Variants in ACACB observed in about 807,000 individuals in gnomAD.
The protein encoded by ACACB is acetyl-CoA carboxylase beta, also known as acetyl-CoA carboxylase 2.
In ACACB, 209 loss-of-function variants were observed where a neutral mutation model predicts 278.8. That is an observed-to-expected ratio of 0.75 (90% CI 0.67 to 0.84). The LOEUF (loss-of-function observed/expected upper bound fraction) is 0.84, where lower values mean the gene tolerates loss of function less well. Ranked by LOEUF, ACACB falls within the 40% of genes least tolerant of loss-of-function variation. ACACB has a pLI of 0.00. For synonymous variants in ACACB, 1,174 were observed against 1,285.6 expected, an observed-to-expected ratio of 0.91 and a Z score of 1.86; for missense variants, 2,850 against 3,269.0, an observed-to-expected ratio of 0.87 and a Z score of 3.13.
chr12:109,220,096 A>G (rs1380927129), intron 24 of ACACB, among the ~76,000 whole-genome samples: 2 of 152,204 alleles, frequency 1.3e-5, no homozygotes, highest in Non-Finnish European at 2.9e-5. Flanking sequence ...TCTTCTGGGC[A>G]TGAAGTCATG....
intron 29 of ACACB, among the ~76,000 whole-genome samples, 163 bp from the exon 30 acceptor site, chr12:109,233,585 G>A (rs1357111476): frequency 6.6e-6 from 1 of 152,164 alleles, no homozygotes; most frequent in Non-Finnish European, 1.5e-5. Context: ...TCTGGACAAA[G>A]TAGACAGGGA....
Position 109,175,677 on chromosome 12 carries a change from C to A in ACACB, c.1217-254C>A, listed in dbSNP as rs143209278. Among the ~76,000 whole-genome samples the A allele has an allele frequency of 1.7e-3, 260 of 152,266 alleles. 2 individuals carry two copies. Among genetic ancestry groups the A allele is most frequent in the African/African-American group, 5.8e-3 (240 of 41,552 alleles). On this transcript the variant is annotated intron_variant, in intron 7 of 52. Transcript: ENST00000338432. The stretch of plus-strand genomic sequence containing the variant: ...AAGCGATTCCCCCCACCTCAGCCTC[C>A]CAAAGTGCTGGGATTATAAGCATGA...
In ACACB at chr12:109,227,427, GCTCCCGGACGGCA is replaced by G. The variant is rs1165739157; in HGVS notation, c.3941_3953del (p.Leu1314ProfsTer4). 1.2e-6 allele frequency: 2 copies of G among 1,613,688 alleles called. No homozygotes were observed. The highest frequency in any genetic ancestry group is 2.7e-5 in the African/African-American group (2 of 74,946). On this transcript the variant is annotated frameshift_variant, in exon 28 of 53. Transcript: ENST00000338432. LOFTEE classifies it high-confidence loss of function. ...AGTTAAACAGCCTGCAGCACCGGCA[GCTCCCGGACGGCA>G]CCTGCGTGGTAGAATTCCAGTTCAT...
At chr12:109,207,157 T>G (rs2136375572) in intron 20 of ACACB, among the ~76,000 whole-genome samples, 2 of 152,316 alleles carry the variant, frequency 1.3e-5, no homozygotes, top group South Asian at 4.1e-4. Context: ...CATTTTGCCA[T>G]GTTCCCCACG....
chr12:109,236,008 G>C, intron 33 of ACACB: 1 of 180,912 alleles, frequency 5.5e-6, no homozygotes, highest in South Asian at 1.5e-4. Context: ...CAAAAAAAAG[G>C]AAAAAAAAGA....
chr12:109,216,581 G>T, intron 22 of ACACB, 37 bp from the exon 23 acceptor site: 1 of 1,587,486 alleles, frequency 6.3e-7, no homozygotes, highest in South Asian at 1.1e-5. Context: ...CTCAAGGAAG[G>T]GTGTGAGCAT....
intron 9 of ACACB, among the ~76,000 whole-genome samples, chr12:109,177,227 T>C (rs2044311066): frequency 6.6e-6 from 1 of 152,264 alleles, no homozygotes; most frequent in South Asian, 2.1e-4. Context: ...ATATTTTATG[T>C]GTGGCAATAG....
intron 1 of ACACB, among the ~76,000 whole-genome samples, chr12:109,122,934 G>T (rs190336023): frequency 1.3e-5 from 2 of 152,106 alleles, no homozygotes; most frequent in Admixed American, 1.3e-4. Flanking sequence ...TGTAATCCCA[G>T]CACTTTGGGG....
chr12:109,232,579 C>A, intron 28 of ACACB, 90 bp from the exon 29 acceptor site: 2 of 1,492,558 alleles, frequency 1.3e-6, no homozygotes, highest in South Asian at 2.5e-5. Flanking sequence ...TAAATCTGGT[C>A]CAGCTCACTG....
At chr12:109,115,023 T>C (rs576707696), upstream of ACACB, among the ~76,000 whole-genome samples, 12 of 152,362 alleles carry the variant, frequency 7.9e-5, no homozygotes, top group South Asian at 2.1e-4. Context: ...AAAATACCTG[T>C]GTCTTAAAGA....
intron 2 of ACACB, among the ~76,000 whole-genome samples, chr12:109,140,887 ATTC>A (rs2043106076): frequency 9.8e-6 from 1 of 101,762 alleles, no homozygotes; most frequent in Admixed American, 1.0e-4. Flanking sequence ...TGATTCATTC[ATTC>A]TTTTTTTTTT....
chr12:109,249,913 C>T (rs2047048914), intron 40 of ACACB, 71 bp from the exon 41 acceptor site: 1 of 1,534,476 alleles, frequency 6.5e-7, no homozygotes, highest in Non-Finnish European at 8.8e-7. Context: ...TCAGTCCCTT[C>T]TTGGGAAATG....
rs377319792 is a variant in ACACB, at chr12:109,140,079, G to A, written c.653+21G>A. The A allele has an allele frequency of 1.4e-4, 217 of 1,557,284 alleles. 1 individual carries two copies. In the Middle Eastern group the frequency reaches 2.8e-3, roughly 20 times the overall value. On this transcript the variant is annotated intron_variant, in intron 2 of 52. Transcript: ENST00000338432. The stretch of plus-strand genomic sequence containing the variant: ...ATGAGGTAATGTGCATTTTCTCCTT[G>A]TAACTGAGGAGTGCAGAGTTCAGGT...
At chr12:109,137,168 T>A (rs996073240) in intron 1 of ACACB, among the ~76,000 whole-genome samples, 5 of 152,144 alleles carry the variant, frequency 3.3e-5, no homozygotes, top group Non-Finnish European at 7.3e-5. Context: ...TGACTGACTT[T>A]TCTTTAAAAA....
intron 2 of ACACB, among the ~76,000 whole-genome samples, chr12:109,148,457 G>A (rs917679184): frequency 6.6e-6 from 1 of 152,160 alleles, no homozygotes; most frequent in African/African-American, 2.4e-5. Flanking sequence ...ACAGGTTCAG[G>A]ATTGCTGAGA....
Position 109,126,805 on chromosome 12 carries a change from A to G in ACACB, c.-10+10101A>G, listed in dbSNP as rs79970744. The stretch of plus-strand genomic sequence containing the variant: ...TGTGGATGTGCATCTTTCTGGGTCT[A>G]TACTCTCAGAGGGCCCTGGGAGACT... On this transcript the variant is annotated intron_variant, in intron 1 of 52. Coordinates refer to ENST00000338432, the MANE Select transcript of ACACB (RefSeq NM_001093.4). Among the ~76,000 whole-genome samples, 12 of 152,318 alleles carry G rather than the reference A, an allele frequency of 7.9e-5. No homozygotes were observed. The East Asian group carries it at 9.6e-4, about 12-fold the overall frequency.
chr12:109,153,055 C>T (rs1057393967), intron 2 of ACACB, among the ~76,000 whole-genome samples: 2 of 151,954 alleles, frequency 1.3e-5, no homozygotes, highest in African/African-American at 4.8e-5. Flanking sequence ...GGCCTGATCT[C>T]GGCTCACTTA....
rs375124672 is a variant in ACACB, at chr12:109,241,094, G to T, written c.4835G>T (p.Arg1612Leu). 1 of 1,614,084 alleles carries T rather than the reference G, an allele frequency of 6.2e-7. No homozygotes were observed. Among genetic ancestry groups the T allele is most frequent in the Non-Finnish European group, 8.5e-7 (1 of 1,180,018 alleles). The change falls in exon 36 of 53, where the codon CGC (arginine) becomes CTC (leucine). Residue 1612 changes from arginine (R) to leucine (L), a missense_variant. Transcript: ENST00000338432. ...MDPFKIEESVRYMVMRYGSRL... is the reference protein window; with the variant it reads ...MDPFKIEESVLYMVMRYGSRL... ...TTGGGGCAGATCGAGGAGTCCGTGC[G>T]CTACATGGTTATGCGCTACGGCAGC...
intron 39 of ACACB, among the ~76,000 whole-genome samples, 177 bp downstream of exon 39, chr12:109,246,625 C>CCG (rs1431203174): frequency 2.6e-5 from 4 of 151,174 alleles, no homozygotes; most frequent in Admixed American, 1.3e-4. Context: ...TTCACTGTGG[C>CCG]GGGGGGGATG....
Sources: gnomAD v4.1 joint callset for allele counts (sites outside exome capture counted in the v4.1 genomes callset) on GRCh38, gnomAD v4.1.1 for gene constraint, MANE v1.5 for transcripts, NCBI Gene and HGNC (gene_info 2026-07-23, HGNC 2026-07-21) for gene names.